HECW1: variants seen among roughly 807,000 people sequenced by gnomAD.
The protein encoded by HECW1 is E3 ubiquitin-protein ligase HECW1.
HECW1 carries 61 observed loss-of-function variants against 182.3 expected under a neutral mutation model. That is an observed-to-expected ratio of 0.33 (90% CI 0.27 to 0.41). The LOEUF (loss-of-function observed/expected upper bound fraction) is 0.41. Ranked by LOEUF, HECW1 falls within the 10% of genes least tolerant of loss-of-function variation. The probability of loss-of-function intolerance (pLI) is 1.00; values close to 1 mark genes in which losing one functional copy is unlikely to be tolerated. For missense variants in HECW1, 1,739 were observed against 2,108.9 expected (o/e 0.82, Z 3.44); for synonymous variants, 859 against 832.6 (o/e 1.03, Z -0.55).
rs143484151 is a variant in HECW1 at position 43,555,110 on chromosome 7, A to T, written c.4709+320A>T. 3.2e-3 allele frequency among the ~76,000 whole-genome samples: 485 copies of T among 152,324 alleles called. 4 individuals carry two copies. The highest frequency in any genetic ancestry group is 0.011 in the African/African-American group (458 of 41,580). ...CACAGGAGAGGGCAGAGGCAAGGAC[A>T]TTAATATAAAAATGCTGGAACCTGG... On this transcript the variant is annotated intron_variant, in intron 29 of 29. Transcript: ENST00000395891.
rs188383000 is a variant in HECW1 at position 43,342,941 on chromosome 7, G to A, written c.461-17945G>A. On this transcript the variant is annotated intron_variant, in intron 5 of 29. Coordinates refer to ENST00000395891, the MANE Select transcript of HECW1 (RefSeq NM_015052.5). ...CTCAGGAGGCTGAGGCAGGAGAATG[G>A]CATGAACCTGGGAGGTGGAGCTGGC... Among the ~76,000 whole-genome samples, 445 of 151,716 alleles carry A rather than the reference G, an allele frequency of 2.9e-3. 6 individuals are homozygous for A. The highest frequency in any genetic ancestry group is 9.0e-3 in the African/African-American group (370 of 41,032).
At chr7:43,133,471 T>C (rs1787178578) in intron 2 of HECW1, among the ~76,000 whole-genome samples, 1 of 151,984 alleles carries the variant, frequency 6.6e-6, no homozygotes, top group Admixed American at 6.5e-5. Flanking sequence ...TAGTTTTTAT[T>C]TCTAGTTGAG....
At chr7:43,315,229 A>G (rs751873675) in intron 4 of HECW1, among the ~76,000 whole-genome samples, 13 of 152,212 alleles carry the variant, frequency 8.5e-5, no homozygotes, top group Admixed American at 3.3e-4. Flanking sequence ...CAGGCACCCT[A>G]TTAGAATCTA....
intron 3 of HECW1, among the ~76,000 whole-genome samples, chr7:43,286,201 G>A (rs1804617760): frequency 6.6e-6 from 1 of 152,190 alleles, no homozygotes; most frequent in South Asian, 2.1e-4. Context: ...ACAGAGAGAT[G>A]ATGAGAAATC....
intron 3 of HECW1, among the ~76,000 whole-genome samples, chr7:43,283,331 C>T (rs1804174083): frequency 6.6e-6 from 1 of 152,172 alleles, no homozygotes; most frequent in African/African-American, 2.4e-5. Context: ...GTGTGATAAT[C>T]ACAACCCATT....
rs184153253 is a variant in HECW1, at chr7:43,486,581, G to A, written c.3235-5494G>A. ...CTCCCAAAGTGCTGGGATTACAGGC[G>A]TGAGCCACCGTGCCTGGCCTAATTT... On this transcript the variant is annotated intron_variant, in intron 17 of 29. Coordinates refer to ENST00000395891, the MANE Select transcript of HECW1 (RefSeq NM_015052.5). Among the ~76,000 whole-genome samples the A allele has an allele frequency of 3.3e-3, 503 of 152,298 alleles. 7 individuals carry two copies. The highest frequency in any genetic ancestry group is 9.3e-4 in the Non-Finnish European group (63 of 68,032).
chr7:43,389,120 T>C (rs769444754), intron 6 of HECW1, among the ~76,000 whole-genome samples: 1 of 152,178 alleles, frequency 6.6e-6, no homozygotes, highest in Non-Finnish European at 1.5e-5. Context: ...CTCACGCAAG[T>C]CAGGGAAAGA....
intron 6 of HECW1, among the ~76,000 whole-genome samples, chr7:43,367,693 G>T (rs562564534): frequency 6.6e-6 from 1 of 152,204 alleles, no homozygotes; most frequent in South Asian, 2.1e-4. Flanking sequence ...CTTTTTAAGG[G>T]GTTATTTTAC....
intron 2 of HECW1, among the ~76,000 whole-genome samples, chr7:43,190,086 T>TTG (rs1554302294): frequency 0.23 from 35,353 of 151,796 alleles, 4,364 homozygotes; most frequent in Middle Eastern, 0.26. Flanking sequence ...TGTGGAAATT[T>TTG]TTGTTGTTGT....
At chr7:43,529,831 TCCTCA>T (rs1240170278) in intron 24 of HECW1, among the ~76,000 whole-genome samples, 2 of 152,110 alleles carry the variant, frequency 1.3e-5, no homozygotes, top group African/African-American at 4.8e-5. Flanking sequence ...CTCACTCACT[TCCTCA>T]CCTACTGAAG....
chr7:43,513,339 C>T (rs2079972078), intron 24 of HECW1, among the ~76,000 whole-genome samples: 1 of 152,188 alleles, frequency 6.6e-6, no homozygotes, highest in South Asian at 2.1e-4. Context: ...AGGAAGGCCT[C>T]CTCCTTCTTC....
chr7:43,263,997 C>T (rs1051317346), intron 3 of HECW1, among the ~76,000 whole-genome samples: 14 of 151,966 alleles, frequency 9.2e-5, no homozygotes, highest in South Asian at 2.1e-4. Flanking sequence ...TATATATTTG[C>T]GGGATGAAAT....
intron 6 of HECW1, among the ~76,000 whole-genome samples, chr7:43,394,867 G>T (rs746205631): frequency 6.6e-5 from 10 of 152,188 alleles, no homozygotes; most frequent in Non-Finnish European, 1.5e-4. Context: ...GAGCATTCAG[G>T]GGACAGAGTT....
chr7:43,491,283 A>G (rs996123247), intron 17 of HECW1, among the ~76,000 whole-genome samples: 1 of 152,208 alleles, frequency 6.6e-6, no homozygotes, highest in African/African-American at 2.4e-5. Flanking sequence ...CTGGATCCTC[A>G]GATTCCCTAT....
chr7:43,445,065 C>T lies in HECW1; in HGVS notation c.1893C>T (p.Gly631=), dbSNP rs1483910620. 1 of 1,591,922 alleles carries T rather than the reference C, an allele frequency of 6.3e-7. No homozygotes were observed. Among genetic ancestry groups the T allele is most frequent in the Non-Finnish European group, 8.5e-7 (1 of 1,169,682 alleles). Residue 631 remains glycine (G), a synonymous_variant, in exon 11 of 30, where the codon GGC becomes GGT. Coordinates refer to ENST00000395891, the MANE Select transcript of HECW1 (RefSeq NM_015052.5). Reference sequence around the variant, plus strand: ...CTACTCCAGGCACGGCGCACCCTGGCCACTCCGGGGGCCACTTCCCCAGCC... The same window carrying T: ...CTACTCCAGGCACGGCGCACCCTGGTCACTCCGGGGGCCACTTCCCCAGCC... ...EGATPGTAHP[G]HSGGHFPSLA...
At position 43,488,380 on chromosome 7, in the gene HECW1, AAGG is replaced by A. The variant is rs1563045035; in HGVS notation, c.3235-3693_3235-3691del. Among the ~76,000 whole-genome samples, 56 of 97,352 alleles carry A rather than the reference AAGG, an allele frequency of 5.8e-4. 1 individual carries two copies. The highest frequency in any genetic ancestry group is 7.8e-4 in the Non-Finnish European group (35 of 44,652). The allele number at this position is 97,352 out of a possible 152,430, so 63.9% of individuals were successfully genotyped here. On this transcript the variant is annotated intron_variant, in intron 17 of 29. Transcript: ENST00000395891. ...GAAGGAAGGAAGGAAGGAAGGAAGGAAGGAAGGAAGGAAGGAAGGAAATGAAAG... is the reference window on the plus strand; with the variant it reads ...GAAGGAAGGAAGGAAGGAAGGAAGGAAAGGAAGGAAGGAAGGAAATGAAAG...
At chr7:43,519,485 T>C (rs2080339140) in intron 24 of HECW1, among the ~76,000 whole-genome samples, 1 of 152,148 alleles carries the variant, frequency 6.6e-6, no homozygotes, top group African/African-American at 2.4e-5. Flanking sequence ...ACTTCATGAT[T>C]GGCCCGTCTC....
At chr7:43,395,976 T>G (rs144019806) in intron 6 of HECW1, among the ~76,000 whole-genome samples, 2 of 152,232 alleles carry the variant, frequency 1.3e-5, no homozygotes, top group Non-Finnish European at 2.9e-5. Context: ...CTCTTCCTAG[T>G]ACAGATTACC....
At position 43,293,145 on chromosome 7, in the gene HECW1, G is replaced by A. The variant is rs1300445373; in HGVS notation, c.28-18618G>A. On this transcript the variant is annotated intron_variant, in intron 3 of 29. Transcript: ENST00000395891. ...TGGGGCAGAAGAATCGCTTGAACCCGGGAGGCGGAGGTTGCAGTAAGCCGA... is the reference window on the plus strand; with the variant it reads ...TGGGGCAGAAGAATCGCTTGAACCCAGGAGGCGGAGGTTGCAGTAAGCCGA... 2.0e-5 allele frequency among the ~76,000 whole-genome samples: 3 copies of A among 150,550 alleles called. No homozygotes were observed. In the South Asian group the frequency reaches 6.4e-4, roughly 32 times the overall value.
Sources: gnomAD v4.1 joint callset for allele counts (sites outside exome capture counted in the v4.1 genomes callset) on GRCh38, gnomAD v4.1.1 for gene constraint, MANE v1.5 for transcripts, NCBI Gene and HGNC (gene_info 2026-07-23, HGNC 2026-07-21) for gene names.